Variants in PPP3CC observed in about 807,000 individuals in gnomAD.
PPP3CC encodes the protein serine/threonine-protein phosphatase 2B catalytic subunit gamma isoform.
PPP3CC carries 35 observed loss-of-function variants against 60.3 expected under a neutral mutation model. The ratio of observed to expected loss-of-function variants is 0.58; its 90% CI spans 0.44 to 0.77. The LOEUF (loss-of-function observed/expected upper bound fraction) is 0.77. Among genes scored for constraint, PPP3CC ranks in the 30% least tolerant of loss-of-function variants. The pLI is 0.00. For synonymous variants in PPP3CC, 206 were observed against 224.3 expected, an observed-to-expected ratio of 0.92 and a Z score of 0.73; for missense variants, 570 against 628.9, an observed-to-expected ratio of 0.91 and a Z score of 1.00.
At chr8:22,442,851 A>G (rs1266252706) in intron 1 of PPP3CC, among the ~76,000 whole-genome samples, 3 of 152,186 alleles carry the variant, frequency 2.0e-5, no homozygotes, top group Non-Finnish European at 2.9e-5. Flanking sequence ...CTGCTGTATA[A>G]AGTTGTTAGC....
chr8:22,496,210 C>T (rs1019924754), intron 3 of PPP3CC, among the ~76,000 whole-genome samples: 4 of 151,582 alleles, frequency 2.6e-5, no homozygotes, highest in African/African-American at 9.7e-5. Context: ...TACTTTTATA[C>T]TATATCTGTA....
At chr8:22,474,765 T>C (rs1021354668) in intron 1 of PPP3CC, among the ~76,000 whole-genome samples, 189 bp from the exon 2 acceptor site, 1 of 152,156 alleles carries the variant, frequency 6.6e-6, no homozygotes, top group African/African-American at 2.4e-5. Context: ...AAAATGACTG[T>C]CACCTTTTTA....
At chr8:22,442,642 A>G (rs902609648) in intron 1 of PPP3CC, among the ~76,000 whole-genome samples, 1 of 152,342 alleles carries the variant, frequency 6.6e-6, no homozygotes, top group East Asian at 1.9e-4. Flanking sequence ...TGAATTGTTC[A>G]TCTAACTGAC....
intron 4 of PPP3CC, 100 bp downstream of exon 4, chr8:22,498,212 T>G: frequency 3.1e-6 from 2 of 642,814 alleles, no homozygotes; most frequent in Non-Finnish European, 5.1e-6. Context: ...ATTTAAATGC[T>G]TCCTGTCCTG....
intron 1 of PPP3CC, among the ~76,000 whole-genome samples, chr8:22,453,263 C>T (rs1023287039): frequency 2.6e-5 from 4 of 152,066 alleles, no homozygotes; most frequent in African/African-American, 7.2e-5. Flanking sequence ...TGGATCTTGG[C>T]GAGATTTGAC....
intron 4 of PPP3CC, among the ~76,000 whole-genome samples, chr8:22,499,425 A>G (rs1314713917): frequency 6.6e-6 from 1 of 151,578 alleles, no homozygotes; most frequent in Non-Finnish European, 1.5e-5. Flanking sequence ...CGGCCTGGGC[A>G]ACAGAGCAAG....
rs55658283 is a variant in PPP3CC at position 22,470,059 on chromosome 8, TACACACAC to T, written c.50-4875_50-4868del. Among the ~76,000 whole-genome samples the T allele has an allele frequency of 3.3e-3, 477 of 146,072 alleles. 3 individuals carry two copies. The highest frequency in any genetic ancestry group is 0.011 in the African/African-American group (449 of 39,700). On this transcript the variant is annotated intron_variant, in intron 1 of 13. Coordinates refer to ENST00000240139, the MANE Select transcript of PPP3CC (RefSeq NM_005605.5). ...AATAAATATGGGTGATATATATATA[TACACACAC>T]ACACACACACACACACACATACATA...
chr8:22,539,375 C>T (rs1210933280), intron 12 of PPP3CC, 94 bp from the exon 13 acceptor site: 5 of 1,350,444 alleles, frequency 3.7e-6, no homozygotes, highest in African/African-American at 1.5e-5. Context: ...AAAAAACGGG[C>T]CCCTGGGATG....
intron 10 of PPP3CC, among the ~76,000 whole-genome samples, chr8:22,530,710 T>C (rs1839686157): frequency 6.6e-6 from 1 of 150,650 alleles, no homozygotes; most frequent in African/African-American, 2.4e-5. Flanking sequence ...CACACACCTG[T>C]AGTCCCAGCT....
chr8:22,469,061 A>G (rs1337306908), intron 1 of PPP3CC, among the ~76,000 whole-genome samples: 1 of 152,248 alleles, frequency 6.6e-6, no homozygotes, highest in African/African-American at 2.4e-5. Context: ...TATTCACAAC[A>G]GCAAAGATAC....
At chr8:22,521,043 A>T (rs1839392168) in intron 6 of PPP3CC, among the ~76,000 whole-genome samples, 1 of 152,172 alleles carries the variant, frequency 6.6e-6, no homozygotes, top group Admixed American at 6.5e-5. Context: ...GGGCTACATT[A>T]GGGTTCACAG....
rs765615628 is a variant in PPP3CC at position 22,522,546 on chromosome 8, G to A, written c.826G>A (p.Ala276Thr). ...CAATAATTTACTATCAATTATCAGAGCCCATGAAGCCCAAGATGCTGGGTA... is the reference window on the plus strand; with the variant it reads ...CAATAATTTACTATCAATTATCAGAACCCATGAAGCCCAAGATGCTGGGTA... ...QNNNLLSIIR[A>T]HEAQDAGYRM... The change falls in exon 7 of 14, where the codon GCC becomes ACC. Residue 276 changes from alanine (A) to threonine (T), a missense_variant. Transcript: ENST00000240139. 12 of 1,612,218 alleles carry A rather than the reference G, an allele frequency of 7.4e-6. No individual in the cohort carries two copies. The highest frequency in any genetic ancestry group is 2.7e-5 in the African/African-American group (2 of 74,852).
intron 10 of PPP3CC, among the ~76,000 whole-genome samples, chr8:22,529,110 A>C (rs1263312770): frequency 2.0e-5 from 3 of 152,232 alleles, no homozygotes; most frequent in Admixed American, 2.0e-4. Context: ...TAGTGTAGGG[A>C]GGAAAAACAG....
Position 22,532,258 on chromosome 8 carries a change from A to G in PPP3CC, c.1175A>G (p.Asn392Ser). The change falls in exon 11 of 14, where the codon AAT becomes AGT. Residue 392 changes from asparagine to serine, a missense_variant. By Grantham distance (46) the Asn-to-Ser change is conservative. Coordinates refer to ENST00000240139, the MANE Select transcript of PPP3CC (RefSeq NM_005605.5). ...ACAGTTCGTAAGGAGATCATCAGGA[A>G]TAAGATCAGAGCCATTGGGAAGATG... ...STTVRKEIIR[N>S]KIRAIGKMAR... The G allele has an allele frequency of 1.9e-6, 3 of 1,613,264 alleles. No individual in the cohort carries two copies. Among genetic ancestry groups the G allele is most frequent in the Non-Finnish European group, 2.5e-6 (3 of 1,179,184 alleles).
At chr8:22,441,556 C>A in intron 1 of PPP3CC, 98 bp downstream of exon 1, 1 of 1,365,462 alleles carries the variant, frequency 7.3e-7, no homozygotes, top group South Asian at 1.5e-5. Flanking sequence ...GGGCTGCGCC[C>A]ACCCTAGGAG....
chr8:22,492,912 C>T (rs1213872355), intron 3 of PPP3CC: 2 of 1,211,658 alleles, frequency 1.7e-6, no homozygotes, highest in East Asian at 4.7e-5. Flanking sequence ...GGAAATGCTA[C>T]CCAGCATCTT....
chr8:22,493,729 C>T (rs760707500), intron 3 of PPP3CC, among the ~76,000 whole-genome samples: 5 of 152,174 alleles, frequency 3.3e-5, no homozygotes, highest in Admixed American at 1.3e-4. Context: ...ACAGTGCCTT[C>T]TGCTAGAATC....
rs1838643252 is a variant in PPP3CC, at chr8:22,498,087, A to G, written c.459A>G (p.Thr153=). ...LRGNHECRHL[T]DYFTFKQECR... ...GAAATCATGAATGCAGGCATCTTAC[A>G]GACTATTTCACCTTCAAACAGGAAT... The change falls in exon 4 of 14, where the codon ACA becomes ACG. Residue 153 remains threonine (T), a synonymous_variant. Coordinates refer to ENST00000240139, the MANE Select transcript of PPP3CC (RefSeq NM_005605.5). 1.1e-5 allele frequency: 18 copies of G among 1,611,046 alleles called. No homozygotes were observed. The highest frequency in any genetic ancestry group is 1.5e-5 in the Non-Finnish European group (18 of 1,177,520).
At chr8:22,534,408 C>T (rs970487509) in intron 12 of PPP3CC, among the ~76,000 whole-genome samples, 3 of 136,666 alleles carry the variant, frequency 2.2e-5, no homozygotes, top group Admixed American at 7.5e-5. Context: ...GGCAACAGGG[C>T]GAGACCCTGT....
Sources: allele counts gnomAD v4.1 joint callset (sites outside exome capture counted in the v4.1 genomes callset), GRCh38; gene constraint gnomAD v4.1.1; transcripts MANE v1.5; gene names NCBI Gene and HGNC (gene_info 2026-07-23, HGNC 2026-07-21).